Variants in PTPRR observed in about 807,000 individuals in gnomAD.
PTPRR encodes the protein protein tyrosine phosphatase receptor type R, also known as receptor-type tyrosine-protein phosphatase R.
A neutral mutation model predicts 77.2 loss-of-function variants in PTPRR; 38 were observed. The observed-to-expected ratio is 0.49, with a 90% CI of 0.38 to 0.65. PTPRR has a LOEUF of 0.65. Among genes scored for constraint, PTPRR ranks in the 30% least tolerant of loss-of-function variants. The probability of loss-of-function intolerance (pLI) is 0.00; values close to 1 mark genes in which losing one functional copy is unlikely to be tolerated. For synonymous variants in PTPRR, 299 were observed against 283.1 expected, an observed-to-expected ratio of 1.06 and a Z score of -0.57; for missense variants, 744 against 799.2, an observed-to-expected ratio of 0.93 and a Z score of 0.83.
intron 6 of PTPRR, among the ~76,000 whole-genome samples, chr12:70,716,280 T>C (rs1889026114): frequency 6.6e-6 from 1 of 151,966 alleles, no homozygotes; most frequent in African/African-American, 2.4e-5. Flanking sequence ...TTATCTCCCA[T>C]TTTTGGGTAG....
intron 10 of PTPRR, among the ~76,000 whole-genome samples, chr12:70,677,338 T>C (rs909835325): frequency 1.6e-4 from 24 of 152,162 alleles, no homozygotes; most frequent in Admixed American, 2.0e-4. Context: ...GGGTTTTCCA[T>C]ATATATGATC....
intron 2 of PTPRR, among the ~76,000 whole-genome samples, chr12:70,890,245 C>T (rs544889630): frequency 5.3e-5 from 8 of 152,180 alleles, no homozygotes; most frequent in South Asian, 2.1e-4. Flanking sequence ...AATTGAGTTC[C>T]GGAACATAGT....
In PTPRR at chr12:70,795,913, ATTTTTTTT is replaced by A. The variant is rs71437157; in HGVS notation, c.358-31143_358-31136del. 1.3e-3 allele frequency among the ~76,000 whole-genome samples: 119 copies of A among 88,392 alleles called. 5 individuals carry two copies. Among genetic ancestry groups the A allele is most frequent in the African/African-American group, 3.9e-3 (98 of 25,142 alleles). The allele number at this position is 88,392 out of a possible 152,430, so 58.0% of individuals were successfully genotyped here. On this transcript the variant is annotated intron_variant, in intron 2 of 13. Coordinates refer to ENST00000283228, the MANE Select transcript of PTPRR (RefSeq NM_002849.4). ...TATATGTTCAAAATGTATTTAGTAG[ATTTTTTTT>A]TTTTTTTTTTTTTTTTTTTTGACAC...
chr12:70,769,561 A>G (rs1291115676), intron 2 of PTPRR, among the ~76,000 whole-genome samples: 1 of 152,240 alleles, frequency 6.6e-6, no homozygotes, highest in Non-Finnish European at 1.5e-5. Context: ...GGAAGAATCA[A>G]TATCATGAAA....
chr12:70,660,232 C>G (rs1227274216), intron 12 of PTPRR, among the ~76,000 whole-genome samples: 8 of 144,944 alleles, frequency 5.5e-5, no homozygotes. Context: ...ATATAAATTA[C>G]TTTAAAAATG....
At chr12:70,870,893 T>C (rs1437074902) in intron 2 of PTPRR, among the ~76,000 whole-genome samples, 2 of 152,210 alleles carry the variant, frequency 1.3e-5, no homozygotes, top group Non-Finnish European at 2.9e-5. Context: ...AGAGAATATG[T>C]AAAGCAACAT....
At chr12:70,810,185 C>G (rs562830081) in intron 2 of PTPRR, among the ~76,000 whole-genome samples, 23 of 151,964 alleles carry the variant, frequency 1.5e-4, no homozygotes, top group Non-Finnish European at 2.8e-4. Context: ...AAAGAGCTAC[C>G]CTGAAGTTAT....
chr12:70,863,560 G>A (rs926289867), intron 2 of PTPRR, among the ~76,000 whole-genome samples: 6 of 152,118 alleles, frequency 3.9e-5, no homozygotes, highest in African/African-American at 1.4e-4. Flanking sequence ...ATAAATATAA[G>A]TATGTCATCT....
intron 2 of PTPRR, among the ~76,000 whole-genome samples, chr12:70,823,368 G>A (rs1055073339): frequency 6.6e-6 from 1 of 152,168 alleles, no homozygotes; most frequent in African/African-American, 2.4e-5. Flanking sequence ...GCTGTCAAGT[G>A]ACATGGAAGC....
At chr12:70,887,276 C>T (rs1159917815) in intron 2 of PTPRR, among the ~76,000 whole-genome samples, 1 of 151,976 alleles carries the variant, frequency 6.6e-6, no homozygotes, top group Non-Finnish European at 1.5e-5. Flanking sequence ...ATGGTGAAAC[C>T]CCGCCTCTAC....
At chr12:70,772,503 A>G (rs1363840800) in intron 2 of PTPRR, among the ~76,000 whole-genome samples, 1 of 152,188 alleles carries the variant, frequency 6.6e-6, no homozygotes, top group East Asian at 1.9e-4. Flanking sequence ...AAGTGATTGG[A>G]AACTGGATTA....
chr12:70,852,427 T>C (rs765377312), intron 2 of PTPRR, among the ~76,000 whole-genome samples: 12 of 152,330 alleles, frequency 7.9e-5, no homozygotes, highest in East Asian at 1.9e-4. Context: ...ACTGCAACTA[T>C]GACCTAGTTT....
rs75269394 is a variant in PTPRR at position 70,848,811 on chromosome 12, G to A, written c.357+43868C>T. Among the ~76,000 whole-genome samples, 9 of 152,284 alleles carry A rather than the reference G, an allele frequency of 5.9e-5. No individual in the cohort carries two copies. The East Asian group carries it at 1.7e-3, about 29-fold the overall frequency. ...GTAGAATATGTGATAGATGCTTAGA[G>A]TTACAATTTGAATCTGGGAAAATAA... On this transcript the variant is annotated intron_variant, in intron 2 of 13. Coordinates refer to ENST00000283228, the MANE Select transcript of PTPRR (RefSeq NM_002849.4).
chr12:70,686,273 C>T (rs570533647), intron 8 of PTPRR, among the ~76,000 whole-genome samples: 24 of 152,026 alleles, frequency 1.6e-4, no homozygotes, highest in South Asian at 8.3e-4. Flanking sequence ...AAGTACTAGA[C>T]GAAGAAAGTT....
At chr12:70,647,754 T>C (rs1216935221) in intron 13 of PTPRR, among the ~76,000 whole-genome samples, 4 of 152,218 alleles carry the variant, frequency 2.6e-5, no homozygotes, top group African/African-American at 9.6e-5. Context: ...TTATGGATCT[T>C]TTTTTCAACT....
intron 2 of PTPRR, among the ~76,000 whole-genome samples, chr12:70,790,305 C>T (rs1592759435): frequency 6.6e-6 from 1 of 152,152 alleles, no homozygotes; most frequent in Non-Finnish European, 1.5e-5. Context: ...AGGATTGCTA[C>T]ATCCAATGTT....
At chr12:70,913,031 C>A (rs1410334477) in intron 1 of PTPRR, among the ~76,000 whole-genome samples, 1 of 152,032 alleles carries the variant, frequency 6.6e-6, no homozygotes, top group Non-Finnish European at 1.5e-5. Flanking sequence ...ACTCACAGAA[C>A]AACTTTTAAG....
intron 2 of PTPRR, among the ~76,000 whole-genome samples, chr12:70,781,753 C>A (rs919128962): frequency 6.6e-6 from 1 of 152,096 alleles, no homozygotes; most frequent in Non-Finnish European, 1.5e-5. Flanking sequence ...AGGATAAAGA[C>A]AGGATGGTAA....
intron 6 of PTPRR, among the ~76,000 whole-genome samples, chr12:70,722,769 T>G (rs1023862145): frequency 4.6e-5 from 7 of 152,166 alleles, no homozygotes; most frequent in African/African-American, 1.7e-4. Flanking sequence ...GAGCCCTTCC[T>G]TGCCCCCTGT....
Sources: allele counts gnomAD v4.1 joint callset (sites outside exome capture counted in the v4.1 genomes callset), GRCh38; gene constraint gnomAD v4.1.1; transcripts MANE v1.5; gene names NCBI Gene and HGNC (gene_info 2026-07-23, HGNC 2026-07-21).